The following DOCK6 variants were observed in gnomAD, a reference collection of about 807,000 sequenced individuals.
The protein encoded by DOCK6 is dedicator of cytokinesis protein 6.
DOCK6 carries 167 observed loss-of-function variants against 230.3 expected under a neutral mutation model. The observed-to-expected ratio is 0.73, with a 90% confidence interval of 0.64 to 0.82. DOCK6 has a LOEUF of 0.82. Ranked by LOEUF, DOCK6 falls within the 40% of genes least tolerant of loss-of-function variation. DOCK6 has a pLI of 0.00. For missense variants in DOCK6, 2,598 were observed against 2,825.8 expected (o/e 0.92, Z 1.83); for synonymous variants, 1,148 against 1,185.0 (o/e 0.97, Z 0.64).
rs771804083 is a variant in DOCK6, at chr19:11,236,529, C to T, written c.2209G>A (p.Gly737Arg). Residue 737 changes from glycine to arginine, a missense_variant, in exon 20 of 48, where the codon GGA becomes AGA. By Grantham distance (125) the Gly-to-Arg change is moderately radical. Coordinates refer to ENST00000294618, the MANE Select transcript of DOCK6 (RefSeq NM_020812.4). This position sits in a 1 kb window ranked among gnomAD's most constrained non-coding sequence, Gnocchi z 5.2. ...FFTLVHVLEEGAFPFRLKDTV... is the reference protein window; with the variant it reads ...FFTLVHVLEERAFPFRLKDTV... ...TCCTTGAGCCGGAATGGGAAGGCTCCCTCCTCCAGGACGTGCACCAGGGTG... is the reference window on the plus strand; with the variant it reads ...TCCTTGAGCCGGAATGGGAAGGCTCTCTCCTCCAGGACGTGCACCAGGGTG... The T allele has an allele frequency of 6.2e-7, 1 of 1,604,034 alleles. No individual in the cohort carries two copies. The highest frequency in any genetic ancestry group is 2.2e-5 in the East Asian group (1 of 44,532).
chr19:11,209,433 G>C (rs112061624), intron 37 of DOCK6, among the ~76,000 whole-genome samples: 95 of 151,508 alleles, frequency 6.3e-4, no homozygotes, highest in African/African-American at 2.3e-3. Flanking sequence ...GTCTCCTCAC[G>C]TGTATCCTAC....
At chr19:11,259,000 C>T (rs1365425649) in intron 1 of DOCK6, among the ~76,000 whole-genome samples, 1 of 152,162 alleles carries the variant, frequency 6.6e-6, no homozygotes, top group Non-Finnish European at 1.5e-5. Flanking sequence ...CCACCTGCCT[C>T]AGCCTCCCAA....
At chr19:11,244,173 T>C (rs548056325) in intron 9 of DOCK6, among the ~76,000 whole-genome samples, 5 of 152,196 alleles carry the variant, frequency 3.3e-5, no homozygotes, top group African/African-American at 7.2e-5. Context: ...TATGTATGTA[T>C]GTATGTATGT....
intron 1 of DOCK6, 65 bp downstream of exon 1, chr19:11,262,332 G>C: frequency 1.0e-6 from 1 of 985,820 alleles, no homozygotes; most frequent in Non-Finnish European, 1.2e-6. Context: ...GGGGAGGGTC[G>C]CACCGCCCCG....
At chr19:11,232,316 A>C (rs1204624285) in intron 22 of DOCK6, 34 of 1,286,924 alleles carry the variant, frequency 2.6e-5, no homozygotes, top group Non-Finnish European at 3.4e-5. Context: ...AAGTGGTAGC[A>C]TCCCCAGTGG....
chr19:11,245,826 G>A lies in DOCK6; in HGVS notation c.859C>T (p.Arg287Trp), dbSNP rs531520573. The A allele has an allele frequency of 5.0e-5, 79 of 1,573,568 alleles. No homozygotes were observed. The highest frequency in any genetic ancestry group is 6.5e-5 in the Non-Finnish European group (75 of 1,159,094). Reference sequence around the variant, plus strand: ...GGGCCTCCTACCTTCTTTTTCTCCCGCACATCATACAGAGCCAAGATCCCA... The same window carrying A: ...GGGCCTCCTACCTTCTTTTTCTCCCACACATCATACAGAGCCAAGATCCCA... ...IFGILALYDV[R>W]EKKKISENFY... The change falls in exon 8 of 48, where the codon CGG (arginine) becomes TGG (tryptophan). Residue 287 changes from arginine to tryptophan, a missense_variant. Transcript: ENST00000294618.
In DOCK6 at chr19:11,250,901, C is replaced by A; in HGVS notation, c.693G>T (p.Leu231=). 3 of 1,603,720 alleles carry A rather than the reference C, an allele frequency of 1.9e-6. No homozygotes were observed. The highest frequency in any genetic ancestry group is 2.6e-6 in the Non-Finnish European group (3 of 1,171,848). ...CGTCAGGTGCCGGGTAGAGGGTGAG[C>A]AGGGCCGGGGGCCGGTGCTGCCGTC... The part of the protein sequence containing the change: ...TLRRQHRPPA[L]LTLYPAPDED... Residue 231 remains leucine (L), a synonymous_variant, in exon 6 of 48, where the codon CTG becomes CTT. Coordinates refer to ENST00000294618, the MANE Select transcript of DOCK6 (RefSeq NM_020812.4).
intron 1 of DOCK6, among the ~76,000 whole-genome samples, chr19:11,256,138 G>T (rs1248206367): frequency 1.3e-5 from 2 of 152,170 alleles, no homozygotes; most frequent in African/African-American, 4.8e-5. Flanking sequence ...GACTGGGGGG[G>T]TTGAGAAAAG....
Position 11,229,248 on chromosome 19 carries a change from T to C in DOCK6, c.2719-213A>G, listed in dbSNP as rs999737682. The C allele has an allele frequency of 1.3e-5, 17 of 1,320,044 alleles. No individual in the cohort carries two copies. The African/African-American group carries it at 2.4e-4, about 19-fold the overall frequency. The allele number at this position is 1,320,044 out of a possible 1,614,324, so 81.8% of individuals were successfully genotyped here. ...GATGGGGGAGGAGCACTGGACCCCT[T>C]TGCTGGGGACCAGGACAAAAATAGC... On this transcript the variant is annotated intron_variant, in intron 22 of 47. Coordinates refer to ENST00000294618, the MANE Select transcript of DOCK6 (RefSeq NM_020812.4).
At chr19:11,245,432 C>T in intron 9 of DOCK6, 131 bp downstream of exon 9, 1 of 1,033,522 alleles carries the variant, frequency 9.7e-7, no homozygotes, top group South Asian at 1.4e-5. Flanking sequence ...GGGGCCTCCT[C>T]CCTGCCTGTG....
chr19:11,204,668 T>A (rs1568666624), intron 39 of DOCK6, among the ~76,000 whole-genome samples: 1 of 152,148 alleles, frequency 6.6e-6, no homozygotes, highest in Non-Finnish European at 1.5e-5. Context: ...GCCTCCCACA[T>A]AGCTGGAACT....
In DOCK6 at chr19:11,243,886, C is replaced by T. The variant is rs766279840; in HGVS notation, c.1024-4G>A. 3.1e-6 allele frequency: 5 copies of T among 1,605,588 alleles called. No individual in the cohort carries two copies. The highest frequency in any genetic ancestry group is 1.7e-5 in the Admixed American group (1 of 58,500). ...CTTGCTGAAGCACCTTCTCCAACTG[C>T]GGGGCAGATGAATGAATCCAGTGAG... On this transcript the variant is annotated splice_region_variant and splice_polypyrimidine_tract_variant and intron_variant, in intron 9 of 47. Transcript: ENST00000294618. The surrounding 1 kb of genome is among the most constrained non-coding windows in gnomAD (Gnocchi z 6.3).
In DOCK6 at chr19:11,212,206, C is replaced by T. The variant is rs886971376; in HGVS notation, c.4492-55G>A. The T allele has an allele frequency of 2.7e-5, 43 of 1,569,884 alleles. No homozygotes were observed. In the African/African-American group the frequency reaches 4.6e-4, roughly 17 times the overall value. The stretch of plus-strand genomic sequence containing the variant: ...CGGGAGTCTCAGACCCCAGACCCCA[C>T]ATCAGAGTCTGCTCAACCTGCCGAC... On this transcript the variant is annotated intron_variant, in intron 35 of 47. Coordinates refer to ENST00000294618, the MANE Select transcript of DOCK6 (RefSeq NM_020812.4).
In DOCK6 at chr19:11,202,168, G is replaced by A. The variant is rs1344171512; in HGVS notation, c.5452-43C>T. 2.5e-6 allele frequency: 4 copies of A among 1,586,078 alleles called. No individual in the cohort carries two copies. The highest frequency in any genetic ancestry group is 1.3e-5 in the African/African-American group (1 of 74,478). On this transcript the variant is annotated intron_variant, in intron 43 of 47. Transcript: ENST00000294618. This position sits in a 1 kb window ranked among gnomAD's most constrained non-coding sequence, Gnocchi z 5.3. The stretch of plus-strand genomic sequence containing the variant: ...TGTGAGGATCCCACAGCCCCAGCAC[G>A]CACAGCCCAAGCCCTGTTCCTGGAG...
At chr19:11,208,595 A>T in intron 39 of DOCK6, 91 bp downstream of exon 39, 1 of 1,504,778 alleles carries the variant, frequency 6.6e-7, no homozygotes, top group Non-Finnish European at 8.9e-7. Flanking sequence ...CCTTCTTTCT[A>T]AATCCCCTGC....
At chr19:11,260,073 G>C (rs2080262275) in intron 1 of DOCK6, among the ~76,000 whole-genome samples, 1 of 151,974 alleles carries the variant, frequency 6.6e-6, no homozygotes, top group South Asian at 2.1e-4. Flanking sequence ...TGACTGAATG[G>C]ATGAACAGAT....
intron 9 of DOCK6, 74 bp downstream of exon 9, chr19:11,245,489 C>T: frequency 2.8e-6 from 4 of 1,422,234 alleles, no homozygotes; most frequent in Non-Finnish European, 3.9e-6. Flanking sequence ...ATGTATCTGT[C>T]TCATTCTGTG....
At chr19:11,249,834 C>T (rs572403479) in intron 6 of DOCK6, among the ~76,000 whole-genome samples, 1 of 121,536 alleles carries the variant, frequency 8.2e-6, no homozygotes, top group South Asian at 3.0e-4. Context: ...GGAGGCGGAG[C>T]TTGCAGTGAG....
chr19:11,252,815 G>T lies in DOCK6; in HGVS notation c.276C>A (p.Cys92Ter). The part of the protein sequence containing the change: ...DLELLLQPRE[C>*]RTTEPGIPKD... Reference sequence around the variant, plus strand: ...TGGGGATCCCGGGCTCCGTGGTCCGGCATTCCCGGGGCTGCAGCAGCAGCT... The same window carrying T: ...TGGGGATCCCGGGCTCCGTGGTCCGTCATTCCCGGGGCTGCAGCAGCAGCT... The change falls in exon 3 of 48, where the codon TGC becomes TGA. Residue 92 changes from cysteine (C) to a stop codon, truncating the protein, a stop_gained. Transcript: ENST00000294618. LOFTEE classifies it high-confidence loss of function. 6.2e-7 allele frequency: 1 copy of T among 1,612,900 alleles called. No individual in the cohort carries two copies. Among genetic ancestry groups the T allele is most frequent in the African/African-American group, 1.3e-5 (1 of 75,024 alleles).
Sources: gnomAD v4.1 joint callset for allele counts (sites outside exome capture counted in the v4.1 genomes callset) on GRCh38, gnomAD v4.1.1 for gene constraint, Gnocchi (gnomAD v3.1) non-coding constraint, MANE v1.5 for transcripts, NCBI Gene and HGNC (gene_info 2026-07-23, HGNC 2026-07-21) for gene names.